The following RGS20 variants were observed in gnomAD, a reference collection of about 807,000 sequenced individuals.
RGS20 encodes the protein regulator of G protein signaling 20.
In RGS20, 30 loss-of-function variants were observed where a neutral mutation model predicts 33.6. The ratio of observed to expected loss-of-function variants is 0.89; its 90% CI spans 0.67 to 1.21. RGS20 has a LOEUF of 1.21. Ranked by LOEUF, RGS20 falls within the 50% of genes most tolerant of loss-of-function variation. RGS20 has a pLI of 0.00. For synonymous variants in RGS20, 208 were observed against 197.9 expected, an observed-to-expected ratio of 1.05 and a Z score of -0.43; for missense variants, 472 against 502.4, an observed-to-expected ratio of 0.94 and a Z score of 0.58.
At chr8:53,870,197 T>C (rs1256117300) in intron 1 of RGS20, among the ~76,000 whole-genome samples, 1 of 152,168 alleles carries the variant, frequency 6.6e-6, no homozygotes, top group Non-Finnish European at 1.5e-5. Context: ...CACTCTTCAC[T>C]TTTTTCAGCT....
chr8:53,861,655 G>A (rs1218075985), intron 1 of RGS20, among the ~76,000 whole-genome samples: 2 of 152,160 alleles, frequency 1.3e-5, no homozygotes, highest in African/African-American at 4.8e-5. Flanking sequence ...TATTTTTGAA[G>A]TTTTCATTTG....
intron 1 of RGS20, among the ~76,000 whole-genome samples, chr8:53,875,760 A>T (rs1812194220): frequency 6.6e-6 from 1 of 152,248 alleles, no homozygotes; most frequent in South Asian, 2.1e-4. Flanking sequence ...GAATGGAACA[A>T]GTCAGAACTG....
chr8:53,870,782 T>C (rs775070797), intron 1 of RGS20, among the ~76,000 whole-genome samples: 1 of 152,162 alleles, frequency 6.6e-6, no homozygotes, highest in Non-Finnish European at 1.5e-5. Flanking sequence ...AAATATATGC[T>C]AAGTGTCGAG....
intron 5 of RGS20, among the ~76,000 whole-genome samples, chr8:53,957,642 G>A (rs1018377532): frequency 6.6e-6 from 1 of 152,210 alleles, no homozygotes; most frequent in African/African-American, 2.4e-5. Flanking sequence ...AGCAGTGTGA[G>A]CCCTGCCAGC....
intron 4 of RGS20, among the ~76,000 whole-genome samples, chr8:53,948,399 T>C (rs28972959): frequency 0.37 from 50,976 of 136,418 alleles, 10,575 homozygotes; most frequent in East Asian, 0.73. Flanking sequence ...ATATATAAGA[T>C]ACAGTATATA....
Position 53,861,974 on chromosome 8 carries a change from G to A in RGS20, c.165+9910G>A, listed in dbSNP as rs536141724. On this transcript the variant is annotated intron_variant, in intron 1 of 5. Coordinates refer to ENST00000297313, the MANE Select transcript of RGS20 (RefSeq NM_170587.4). ...CGTGGGGAGTCCAAGCTTTGGGGGG[G>A]CCAACCATTGCCCCACATGGATTCT... 8.5e-5 allele frequency among the ~76,000 whole-genome samples: 13 copies of A among 152,240 alleles called. No homozygotes were observed. The East Asian group carries it at 9.7e-4, about 11-fold the overall frequency.
intron 2 of RGS20, among the ~76,000 whole-genome samples, chr8:53,913,158 G>T (rs370511896): frequency 1.3e-5 from 2 of 152,106 alleles, no homozygotes; most frequent in Non-Finnish European, 2.9e-5. Flanking sequence ...TAGAGATGGG[G>T]TTTCTCCATG....
At chr8:53,914,312 C>T (rs1813426150) in intron 2 of RGS20, among the ~76,000 whole-genome samples, 3 of 152,066 alleles carry the variant, frequency 2.0e-5, no homozygotes, top group African/African-American at 7.2e-5. Flanking sequence ...ATTACAGGCC[C>T]TTCTTAGTTC....
intron 2 of RGS20, among the ~76,000 whole-genome samples, chr8:53,938,353 G>A (rs1167960650): frequency 6.6e-6 from 1 of 152,174 alleles, no homozygotes; most frequent in Non-Finnish European, 1.5e-5. Context: ...TGGACACAGG[G>A]AGAGGAACAT....
intron 1 of RGS20, among the ~76,000 whole-genome samples, chr8:53,871,504 C>T (rs1478738990): frequency 6.6e-6 from 1 of 152,024 alleles, no homozygotes; most frequent in Admixed American, 6.6e-5. Context: ...GTAATCCCAC[C>T]TACTTAGGAA....
At chr8:53,906,763 T>C (rs1195725354) in intron 2 of RGS20, among the ~76,000 whole-genome samples, 1 of 152,100 alleles carries the variant, frequency 6.6e-6, no homozygotes, top group Non-Finnish European at 1.5e-5. Flanking sequence ...GGAAAGGAGT[T>C]TTGTTCTTAA....
intron 1 of RGS20, chr8:53,852,080 C>G: frequency 6.2e-7 from 1 of 1,601,592 alleles, no homozygotes. Flanking sequence ...GTGATTTCCA[C>G]AATCCATGAT....
chr8:53,873,508 T>C (rs1812124342), intron 1 of RGS20, among the ~76,000 whole-genome samples: 1 of 152,246 alleles, frequency 6.6e-6, no homozygotes, highest in African/African-American at 2.4e-5. Flanking sequence ...TTTGTGTCTG[T>C]CATCTTTCAC....
chr8:53,899,216 A>G (rs1396643357), intron 2 of RGS20, among the ~76,000 whole-genome samples: 1 of 152,048 alleles, frequency 6.6e-6, no homozygotes, highest in Non-Finnish European at 1.5e-5. Flanking sequence ...TTGTCTCTCT[A>G]TTCTCTTTAT....
chr8:53,883,175 A>G (rs1362573854), intron 2 of RGS20, among the ~76,000 whole-genome samples: 1 of 144,002 alleles, frequency 6.9e-6, no homozygotes, highest in African/African-American at 2.6e-5. Context: ...TTTTTCTTTG[A>G]GACTGAGTTT....
At chr8:53,854,538 G>A (rs73680329) in intron 1 of RGS20, among the ~76,000 whole-genome samples, 2 of 151,914 alleles carry the variant, frequency 1.3e-5, no homozygotes, top group Non-Finnish European at 1.5e-5. Flanking sequence ...ACTACACACC[G>A]AGAAGAATAG....
intron 2 of RGS20, among the ~76,000 whole-genome samples, chr8:53,929,992 C>T (rs920124257): frequency 6.6e-6 from 1 of 152,162 alleles, no homozygotes; most frequent in Non-Finnish European, 1.5e-5. Flanking sequence ...GCATACATGT[C>T]AGCAAAACAC....
At chr8:53,948,162 T>C (rs995756492) in intron 4 of RGS20, among the ~76,000 whole-genome samples, 15 of 134,854 alleles carry the variant, frequency 1.1e-4, no homozygotes, top group African/African-American at 2.4e-4. Context: ...TATATATTTA[T>C]ATATGCTATA....
intron 2 of RGS20, among the ~76,000 whole-genome samples, chr8:53,937,798 G>A (rs1814176249): frequency 6.6e-6 from 1 of 152,184 alleles, no homozygotes; most frequent in South Asian, 2.1e-4. Flanking sequence ...CATCATCACT[G>A]GTCGTTAGAG....
Sources: allele counts gnomAD v4.1 joint callset (sites outside exome capture counted in the v4.1 genomes callset), GRCh38; gene constraint gnomAD v4.1.1; transcripts MANE v1.5; gene names NCBI Gene and HGNC (gene_info 2026-07-23, HGNC 2026-07-21).